The following TOP3B variants were observed in gnomAD, a reference collection of about 807,000 sequenced individuals.
TOP3B encodes DNA topoisomerase 3-beta-1.
TOP3B carries 45 observed loss-of-function variants against 93.9 expected under a neutral mutation model. That is an observed-to-expected ratio of 0.48 (90% CI 0.38 to 0.61). The LOEUF is 0.61. Among genes scored for constraint, TOP3B ranks in the 20% least tolerant of loss-of-function variants. The pLI is 0.00. For synonymous variants in TOP3B, 357 were observed against 472.6 expected (o/e 0.76, Z 3.17); for missense variants, 750 against 1,156.1 (o/e 0.65, Z 5.09).
chr22:21,968,954 T>C, intron 6 of TOP3B, 179 bp from the exon 7 acceptor site: 1 of 621,018 alleles, frequency 1.6e-6, no homozygotes, highest in East Asian at 2.8e-5. Flanking sequence ...TTCATGTGTG[T>C]ACATGGGTGA....
At position 21,962,648 on chromosome 22, in the gene TOP3B, C is replaced by T. The variant is rs376586979; in HGVS notation, c.1352-46G>A. 101 of 1,604,588 alleles carry T rather than the reference C, an allele frequency of 6.3e-5. 3 individuals are homozygous for T. Among genetic ancestry groups the T allele is most frequent in the African/African-American group, 5.2e-4 (39 of 74,636 alleles). ...ACTCAGGGTCCCCAGCCTGGGTGGC[C>T]GGGGCCTCAGACCCTGGGCCTCCCA... is the stretch of plus-strand genomic sequence containing the variant. On this transcript the variant is annotated intron_variant, in intron 12 of 17. Transcript: ENST00000357179.
At chr22:21,958,765 C>T in intron 16 of TOP3B, 72 bp from the exon 17 acceptor site, 1 of 1,484,600 alleles carries the variant, frequency 6.7e-7, no homozygotes, top group Non-Finnish European at 8.9e-7. Flanking sequence ...CCACTCCTCT[C>T]ATAATACAAA....
At chr22:21,981,548 A>G (rs1321167832) in intron 1 of TOP3B, among the ~76,000 whole-genome samples, 1 of 152,114 alleles carries the variant, frequency 6.6e-6, no homozygotes, top group African/African-American at 2.4e-5. Context: ...CAGTGAGCAA[A>G]TACTTTGCGA....
At chr22:21,975,892 A>C (rs1411630611) in intron 1 of TOP3B, 85 bp from the exon 2 acceptor site, 1 of 933,676 alleles carries the variant, frequency 1.1e-6, no homozygotes, top group African/African-American at 1.7e-5. Flanking sequence ...AACAAAGAAA[A>C]AACAAGACCA....
In TOP3B at chr22:21,963,045, G is replaced by T; in HGVS notation, c.1205-152C>A. The T allele has an allele frequency of 1.1e-6, 1 of 945,742 alleles. No homozygotes were observed. Among genetic ancestry groups the T allele is most frequent in the Non-Finnish European group, 1.6e-6 (1 of 626,840 alleles). 58.6% of individuals were successfully genotyped at this position (945,742 alleles called of 1,614,324 possible). A position where few individuals can be genotyped will look rare whatever the true frequency, so the allele number is the denominator to read the frequency against. The stretch of plus-strand genomic sequence containing the variant: ...CCTGGGGAAGGAGGAAAGAAAATGT[G>T]CAGGAAGGCCGGGCGTGGTGGCTCA... On this transcript the variant is annotated intron_variant, in intron 11 of 17. Transcript: ENST00000357179. The surrounding 1 kb of genome is among the most constrained non-coding windows in gnomAD (Gnocchi z 4.8).
intron 4 of TOP3B, 79 bp from the exon 5 acceptor site, chr22:21,972,030 C>T: frequency 7.5e-7 from 1 of 1,325,228 alleles, no homozygotes; most frequent in Non-Finnish European, 1.0e-6. Flanking sequence ...CCATCCAGGA[C>T]AGGGCTTGGT....
Position 21,970,661 on chromosome 22 carries a change from CG to C in TOP3B, c.385-256del. On this transcript the variant is annotated intron_variant, in intron 5 of 17. Coordinates refer to ENST00000357179, the MANE Select transcript of TOP3B (RefSeq NM_001282112.2). The surrounding 1 kb of genome is among the most constrained non-coding windows in gnomAD (Gnocchi z 4.4). ...CTTTACTCCCATCTAGAAACATACT[CG>C]AACACTCCCTTCTTACTCCCGCCCT... 1.9e-6 allele frequency: 1 copy of C among 533,290 alleles called. No individual in the cohort carries two copies. Among genetic ancestry groups the C allele is most frequent in the Non-Finnish European group, 3.4e-6 (1 of 294,286 alleles). The allele number at this position is 533,290 out of a possible 1,614,324, so 33.0% of individuals were successfully genotyped here. A position where few individuals can be genotyped will look rare whatever the true frequency, so the allele number is the denominator to read the frequency against.
chr22:21,971,654 G>A lies in TOP3B; in HGVS notation c.384+223C>T, dbSNP rs1254490009. 1.7e-6 allele frequency: 1 copy of A among 598,112 alleles called. No homozygotes were observed. The highest frequency in any genetic ancestry group is 1.8e-5 in the African/African-American group (1 of 54,712). 37.1% of individuals were successfully genotyped at this position (598,112 alleles called of 1,614,324 possible). A position where few individuals can be genotyped will look rare whatever the true frequency, so the allele number is the denominator to read the frequency against. ...CCCTCCTATGTTCACTCATACCGTT[G>A]AGGCCTCAGCAAGCGGAGGAACAAC... On this transcript the variant is annotated intron_variant, in intron 5 of 17. Transcript: ENST00000357179. This position sits in a 1 kb window ranked among gnomAD's most constrained non-coding sequence, Gnocchi z 4.6.
At chr22:21,980,733 G>A (rs1371654644) in intron 1 of TOP3B, among the ~76,000 whole-genome samples, 6 of 152,176 alleles carry the variant, frequency 3.9e-5, no homozygotes, top group Admixed American at 2.0e-4. Flanking sequence ...CTCCCTGTGC[G>A]CCAGCAGGCT....
chr22:21,975,104 T>A (rs1001000900), intron 2 of TOP3B: 1 of 152,876 alleles, frequency 6.5e-6, no homozygotes, highest in Non-Finnish European at 1.5e-5. Flanking sequence ...AATTCAAAGA[T>A]AGGGGGAAAC....
At chr22:21,969,930 ATTTTT>A (rs56123700) in intron 6 of TOP3B, 55 of 176,276 alleles carry the variant, frequency 3.1e-4, no homozygotes, top group South Asian at 3.8e-4. Flanking sequence ...CAAAAAAATA[ATTTTT>A]TTTTTTTTTT....
chr22:21,981,014 C>T (rs1338754018), intron 1 of TOP3B, among the ~76,000 whole-genome samples: 2 of 152,228 alleles, frequency 1.3e-5, no homozygotes, highest in Non-Finnish European at 2.9e-5. Flanking sequence ...GATTTAGGGA[C>T]TCCCCTTCTC....
At chr22:21,958,184 G>T in intron 17 of TOP3B, 2 of 1,283,014 alleles carry the variant, frequency 1.6e-6, no homozygotes, top group Non-Finnish European at 2.0e-6. Flanking sequence ...CCCGCTCACC[G>T]GGTGGGTCCC....
chr22:21,970,429 T>G lies in TOP3B; in HGVS notation c.385-23A>C. The stretch of plus-strand genomic sequence containing the variant: ...AACCTGGGGGTGGGGAGTGGCCAGC[T>G]GTGACCCACCTCCCAGATCCCTGCC... On this transcript the variant is annotated intron_variant, in intron 5 of 17. Coordinates refer to ENST00000357179, the MANE Select transcript of TOP3B (RefSeq NM_001282112.2). The surrounding 1 kb of genome is among the most constrained non-coding windows in gnomAD (Gnocchi z 4.4). 6.2e-7 allele frequency: 1 copy of G among 1,609,698 alleles called. No homozygotes were observed. The highest frequency in any genetic ancestry group is 8.5e-7 in the Non-Finnish European group (1 of 1,178,016).
chr22:21,958,609 G>A lies in TOP3B; in HGVS notation c.1990C>T (p.Leu664Phe). Residue 664 changes from leucine to phenylalanine, a missense_variant, in exon 17 of 18, where the codon CTC becomes TTC. Coordinates refer to ENST00000357179, the MANE Select transcript of TOP3B (RefSeq NM_001282112.2). ...TCGAAGTCATCCAGAGGGCAGCGGA[G>A]CTCCTTGTAGAGCTTGATGGTGCCG... ...QNGTIKLYKE[L>F]RCPLDDFELV... 2 of 1,614,138 alleles carry A rather than the reference G, an allele frequency of 1.2e-6. No individual in the cohort carries two copies. Among genetic ancestry groups the A allele is most frequent in the Non-Finnish European group, 1.7e-6 (2 of 1,180,042 alleles).
At position 21,970,461 on chromosome 22, in the gene TOP3B, C is replaced by T. The variant is rs954119723; in HGVS notation, c.385-55G>A. The T allele has an allele frequency of 9.6e-6, 15 of 1,567,050 alleles. No individual in the cohort carries two copies. Among genetic ancestry groups the T allele is most frequent in the Non-Finnish European group, 1.3e-5 (15 of 1,148,494 alleles). On this transcript the variant is annotated intron_variant, in intron 5 of 17. Transcript: ENST00000357179. The surrounding 1 kb of genome is among the most constrained non-coding windows in gnomAD (Gnocchi z 4.4). ...CACCTCCCAGATCCCTGCCACAGCT[C>T]CCCACCCCACTGTGAAGCCTGGTTC...
chr22:21,958,504 C>G lies in TOP3B; in HGVS notation c.2095G>C (p.Asp699His). 1 of 1,614,018 alleles carries G rather than the reference C, an allele frequency of 6.2e-7. No homozygotes were observed. Among genetic ancestry groups the G allele is most frequent in the Non-Finnish European group, 8.5e-7 (1 of 1,180,028 alleles). ...TGGCTGCACTCACCTTTCTTCATGT[C>G]TCGGAAGGGTGGGTGGTTGTAGCAG... The part of the protein sequence containing the change: ...PYCYNHPPFR[D>H]MKKGMGCNEC... The change falls in exon 17 of 18, where the codon GAC (aspartate) becomes CAC (histidine). Residue 699 changes from aspartate (D) to histidine (H), a missense_variant. Physicochemically the swap from Asp to His is moderately conservative, Grantham distance 81. Transcript: ENST00000357179.
Position 21,971,485 on chromosome 22 carries a change from C to T in TOP3B, c.384+392G>A. The stretch of plus-strand genomic sequence containing the variant: ...CAGGAGATGAGCAGAGCGAGGCCTG[C>T]AAAAGGAGCTCAGTGCTGAGGTCGG... On this transcript the variant is annotated intron_variant, in intron 5 of 17. Transcript: ENST00000357179. This position sits in a 1 kb window ranked among gnomAD's most constrained non-coding sequence, Gnocchi z 4.6. 3.0e-6 allele frequency: 1 copy of T among 336,680 alleles called. No individual in the cohort carries two copies. The highest frequency in any genetic ancestry group is 5.8e-6 in the Non-Finnish European group (1 of 171,682). 20.9% of individuals were successfully genotyped at this position (336,680 alleles called of 1,614,324 possible).
chr22:21,982,126 C>A (rs1219733565), intron 1 of TOP3B: 2 of 152,130 alleles, frequency 1.3e-5, no homozygotes, highest in African/African-American at 4.8e-5. Context: ...GCCATCAAGC[C>A]CAAGTTAGGC....
Sources: gnomAD v4.1 joint callset for allele counts (sites outside exome capture counted in the v4.1 genomes callset) on GRCh38, gnomAD v4.1.1 for gene constraint, Gnocchi (gnomAD v3.1) non-coding constraint, MANE v1.5 for transcripts, NCBI Gene and HGNC (gene_info 2026-07-23, HGNC 2026-07-21) for gene names.